The following ZNF90 variants were observed in gnomAD, a reference collection of about 807,000 sequenced individuals.
ZNF90 encodes the protein zinc finger protein HTF9.
In ZNF90, 11 loss-of-function variants were observed where a neutral mutation model predicts 12.0. The ratio of observed to expected loss-of-function variants is 0.92; its 90% CI spans 0.58 to 1.52. The LOEUF (loss-of-function observed/expected upper bound fraction) is 1.52. Ranked by LOEUF, ZNF90 falls within the 40% of genes most tolerant of loss-of-function variation. The pLI is 0.00. For missense variants in ZNF90, 765 were observed against 711.5 expected (o/e 1.08, Z -0.86); for synonymous variants, 232 against 240.1 (o/e 0.97, Z 0.31).
At chr19:20,116,519 C>G (rs925475729) in intron 3 of ZNF90, among the ~76,000 whole-genome samples, 3 of 152,074 alleles carry the variant, frequency 2.0e-5, no homozygotes, top group African/African-American at 7.2e-5. Context: ...TTTATAGTTG[C>G]TTTTGAAATG....
At chr19:20,108,581 T>C (rs1555704670) in intron 3 of ZNF90, among the ~76,000 whole-genome samples, 1 of 152,102 alleles carries the variant, frequency 6.6e-6, no homozygotes, top group Non-Finnish European at 1.5e-5. Context: ...CCTCCCAAAG[T>C]TGCTGAGATT....
At chr19:20,081,803 C>A (rs1446274287) in intron 1 of ZNF90, among the ~76,000 whole-genome samples, 1 of 148,592 alleles carries the variant, frequency 6.7e-6, no homozygotes, top group East Asian at 2.0e-4. Flanking sequence ...CTCGCTCTGT[C>A]ATCCAGGCTG....
rs1555706396 is a variant in ZNF90, at chr19:20,119,940, CA to C, written c.*583del. On this transcript the variant is annotated 3_prime_UTR_variant, in exon 4 of 4. Transcript: ENST00000418063. ...TAATTCATGCTGAAGAGGAACTTTA[CA>C]AACTTGAAAGATGTGACAGTGCTTT... Among the ~76,000 whole-genome samples, 1 of 152,178 alleles carries C rather than the reference CA, an allele frequency of 6.6e-6. No homozygotes were observed. The highest frequency in any genetic ancestry group is 1.5e-5 in the Non-Finnish European group (1 of 68,032).
At chr19:20,094,339 T>C (rs1420364116) in intron 1 of ZNF90, among the ~76,000 whole-genome samples, 1 of 152,226 alleles carries the variant, frequency 6.6e-6, no homozygotes, top group Non-Finnish European at 1.5e-5. Context: ...TGTCAGGAGC[T>C]GACTGGGTGA....
In ZNF90 at chr19:20,109,709, T is replaced by TA. The variant is rs5827467; in HGVS notation, c.226+4406dup. 3.7e-3 allele frequency among the ~76,000 whole-genome samples: 539 copies of TA among 146,100 alleles called. 2 individuals carry two copies. Among genetic ancestry groups the TA allele is most frequent in the Non-Finnish European group, 5.7e-3 (379 of 66,278 alleles). ...GGCAACATATGGAGACCCATTTCTGTAAAAAAAAAAAAATTAATAATAGCC... is the reference window on the plus strand; with the variant it reads ...GGCAACATATGGAGACCCATTTCTGTAAAAAAAAAAAAAATTAATAATAGCC... On this transcript the variant is annotated intron_variant, in intron 3 of 3. Coordinates refer to ENST00000418063, the MANE Select transcript of ZNF90 (RefSeq NM_007138.2).
Position 20,118,615 on chromosome 19 carries a change from T to A in ZNF90, c.1061T>A (p.Leu354Ter). 6.4e-7 allele frequency: 1 copy of A among 1,556,628 alleles called. No individual in the cohort carries two copies. Among genetic ancestry groups the A allele is most frequent in the Non-Finnish European group, 8.7e-7 (1 of 1,152,234 alleles). The change falls in exon 4 of 4, where the codon TTA becomes TAA. Residue 354 changes from leucine (L) to a stop codon, truncating the protein, a stop_gained. Transcript: ENST00000418063. LOFTEE classifies it low-confidence loss of function (END_TRUNC). ...EECGKAFRRS[L>*]VLRTHKRIHT... is the part of the protein sequence containing the mutation. ...TGTGGCAAAGCCTTCAGGCGCTCCT[T>A]AGTCCTTCGTACACATAAGAGAATT...
Position 20,117,899 on chromosome 19 carries a change from A to T in ZNF90, c.345A>T (p.Lys115Asn). Reference protein sequence around the residue: ...KREYGNLELKKGCESVDEGKV... With the variant: ...KREYGNLELKNGCESVDEGKV... ...AATATGGCAATTTAGAGTTAAAAAA[A>T]GGTTGTGAAAGTGTGGATGAGGGTA... Residue 115 changes from lysine to asparagine, a missense_variant, in exon 4 of 4, where the codon AAA (lysine) becomes AAT (asparagine). Transcript: ENST00000418063. 1.2e-6 allele frequency: 2 copies of T among 1,611,960 alleles called. No individual in the cohort carries two copies. The highest frequency in any genetic ancestry group is 1.7e-6 in the Non-Finnish European group (2 of 1,179,216).
chr19:20,088,914 T>C (rs1346170059), intron 1 of ZNF90, among the ~76,000 whole-genome samples: 1 of 152,094 alleles, frequency 6.6e-6, no homozygotes, highest in African/African-American at 2.4e-5. Flanking sequence ...GTTGGTGTCA[T>C]GAGGGGAACA....
At chr19:20,106,044 CTTTTT>C (rs56933917) in intron 3 of ZNF90, among the ~76,000 whole-genome samples, 3,428 of 71,296 alleles carry the variant, frequency 0.048, 82 homozygotes, top group Non-Finnish European at 0.065. Flanking sequence ...CTAATTTTTT[CTTTTT>C]TTTTTTTTTT....
chr19:20,119,073 A>G lies in ZNF90; in HGVS notation c.1519A>G (p.Asn507Asp), dbSNP rs782340766. The change falls in exon 4 of 4, where the codon AAT becomes GAT. Residue 507 changes from asparagine (N) to aspartate (D), a missense_variant. Transcript: ENST00000418063. ...STHKIIHSGE[N>D]PYKCEECGKA... ...ACATAAGATAATTCACAGTGGAGAG[A>G]ATCCCTACAAATGTGAAGAATGTGG... 1 of 1,612,212 alleles carries G rather than the reference A, an allele frequency of 6.2e-7. No individual in the cohort carries two copies. Among genetic ancestry groups the G allele is most frequent in the Non-Finnish European group, 8.5e-7 (1 of 1,179,142 alleles).
chr19:20,098,453 A>G (rs1256539358), intron 1 of ZNF90, among the ~76,000 whole-genome samples: 1 of 152,226 alleles, frequency 6.6e-6, no homozygotes, highest in Non-Finnish European at 1.5e-5. Flanking sequence ...TGTAAATGTA[A>G]ATAAGCATCT....
At chr19:20,100,901 G>C (rs142270395) in intron 1 of ZNF90, among the ~76,000 whole-genome samples, 2 of 152,300 alleles carry the variant, frequency 1.3e-5, no homozygotes, top group African/African-American at 4.8e-5. Flanking sequence ...TCACCTGAGA[G>C]CAGAGGGGGA....
intron 1 of ZNF90, among the ~76,000 whole-genome samples, chr19:20,102,213 C>T (rs977096291): frequency 5.3e-5 from 8 of 152,260 alleles, no homozygotes; most frequent in African/African-American, 7.2e-5. Flanking sequence ...TCAACTTCCT[C>T]GATCTTAATG....
chr19:20,097,431 A>G (rs981443483), intron 1 of ZNF90, among the ~76,000 whole-genome samples: 12 of 152,228 alleles, frequency 7.9e-5, no homozygotes, highest in African/African-American at 2.9e-4. Flanking sequence ...AGTCACTTCT[A>G]GAGAGGCTAG....
chr19:20,092,429 C>T (rs1178096362), intron 1 of ZNF90, among the ~76,000 whole-genome samples: 2 of 152,128 alleles, frequency 1.3e-5, no homozygotes, highest in Non-Finnish European at 2.9e-5. Flanking sequence ...TCAGACTGCA[C>T]AGCCCTGCAC....
intron 1 of ZNF90, chr19:20,087,244 C>A (rs2088866436): frequency 6.6e-6 from 1 of 152,196 alleles, no homozygotes; most frequent in Non-Finnish European, 1.5e-5. Context: ...AATCTTATAT[C>A]TAATCTGAGC....
chr19:20,103,938 G>A (rs535343496), intron 1 of ZNF90, among the ~76,000 whole-genome samples: 1 of 151,984 alleles, frequency 6.6e-6, no homozygotes, highest in Non-Finnish European at 1.5e-5. Context: ...AACTCATTCC[G>A]TATGATCTAA....
In ZNF90 at chr19:20,119,030, C is replaced by G; in HGVS notation, c.1476C>G (p.Tyr492Ter). The change falls in exon 4 of 4, where the codon TAC (tyrosine) becomes TAG (stop). Residue 492 changes from tyrosine to a stop codon, truncating the protein, a stop_gained. Transcript: ENST00000418063. LOFTEE classifies it low-confidence loss of function (END_TRUNC). ...AAGAATGTGACAAAGCCTTCAAGTACTCCTCAGCCCTTAGCACACATAAGA... is the reference window on the plus strand; with the variant it reads ...AAGAATGTGACAAAGCCTTCAAGTAGTCCTCAGCCCTTAGCACACATAAGA... Reference protein sequence around the residue: ...KCQECDKAFKYSSALSTHKII... With the variant: ...KCQECDKAFK The G allele has an allele frequency of 1.2e-6, 2 of 1,606,452 alleles. No individual in the cohort carries two copies. The highest frequency in any genetic ancestry group is 1.7e-6 in the Non-Finnish European group (2 of 1,176,262).
chr19:20,118,288 C>A lies in ZNF90; in HGVS notation c.734C>A (p.Thr245Asn). 6.4e-7 allele frequency: 1 copy of A among 1,561,700 alleles called. No homozygotes were observed. The highest frequency in any genetic ancestry group is 8.7e-7 in the Non-Finnish European group (1 of 1,152,594). The change falls in exon 4 of 4, where the codon ACT becomes AAT. Residue 245 changes from threonine to asparagine, a missense_variant. Transcript: ENST00000418063. Reference protein sequence around the residue: ...GKELKYSSTLTAHKRIHTGEK... With the variant: ...GKELKYSSTLNAHKRIHTGEK... ...GAATTAAAGTATTCCTCTACCCTTACTGCACATAAGAGAATTCATACTGGA... is the reference window on the plus strand; with the variant it reads ...GAATTAAAGTATTCCTCTACCCTTAATGCACATAAGAGAATTCATACTGGA...
Sources: gnomAD v4.1 joint callset for allele counts (sites outside exome capture counted in the v4.1 genomes callset) on GRCh38, gnomAD v4.1.1 for gene constraint, MANE v1.5 for transcripts, NCBI Gene and HGNC (gene_info 2026-07-23, HGNC 2026-07-21) for gene names.